GNG12: variants seen among roughly 807,000 people sequenced by gnomAD.
GNG12 encodes the protein G protein subunit gamma 12.
For synonymous variants in GNG12, 28 were observed against 29.7 expected (o/e 0.94, Z 0.19); for missense variants, 69 against 83.8 (o/e 0.82, Z 0.69).
intron 2 of GNG12, among the ~76,000 whole-genome samples, chr1:67,713,633 T>C (rs994032777): frequency 6.6e-6 from 1 of 151,920 alleles, no homozygotes; most frequent in African/African-American, 2.4e-5. Context: ...AACACACCCA[T>C]GTGGCTGTAA....
intron 1 of GNG12, among the ~76,000 whole-genome samples, chr1:67,781,671 C>T (rs1370155164): frequency 1.3e-5 from 2 of 151,924 alleles, no homozygotes; most frequent in East Asian, 3.9e-4. Flanking sequence ...AGTATGAGGC[C>T]ATTTGATTGT....
chr1:67,797,276 T>C (rs976323687), intron 1 of GNG12, among the ~76,000 whole-genome samples: 1 of 152,104 alleles, frequency 6.6e-6, no homozygotes, highest in Non-Finnish European at 1.5e-5. Context: ...TCAGAATAAG[T>C]TCCAAAATTA....
intron 2 of GNG12, among the ~76,000 whole-genome samples, chr1:67,709,143 G>A (rs148893613): frequency 6.6e-6 from 1 of 152,206 alleles, no homozygotes; most frequent in Non-Finnish European, 1.5e-5. Context: ...TTTGAAATCA[G>A]CCTAATAAGC....
chr1:67,812,854 C>T (rs1646933422), intron 1 of GNG12, among the ~76,000 whole-genome samples: 1 of 152,210 alleles, frequency 6.6e-6, no homozygotes, highest in Non-Finnish European at 1.5e-5. Flanking sequence ...TGAACCTGTC[C>T]TTCATTGCAG....
At chr1:67,705,855 G>A (rs1274744562) in intron 3 of GNG12, among the ~76,000 whole-genome samples, 7 of 152,244 alleles carry the variant, frequency 4.6e-5, no homozygotes, top group South Asian at 2.1e-4. Context: ...AGGACACACC[G>A]CCAGCTAATG....
At chr1:67,808,831 C>A (rs932398072) in intron 1 of GNG12, among the ~76,000 whole-genome samples, 1 of 152,116 alleles carries the variant, frequency 6.6e-6, no homozygotes, top group African/African-American at 2.4e-5. Flanking sequence ...TGTTCACAGA[C>A]AGGAAAACAC....
chr1:67,824,608 T>A (rs1309241248), intron 1 of GNG12, among the ~76,000 whole-genome samples: 2 of 152,144 alleles, frequency 1.3e-5, no homozygotes, highest in African/African-American at 4.8e-5. Flanking sequence ...TATATGGTTA[T>A]AATGTTTCTT....
chr1:67,830,063 T>C (rs950896869), intron 1 of GNG12, among the ~76,000 whole-genome samples: 1 of 144,070 alleles, frequency 6.9e-6, no homozygotes, highest in Non-Finnish European at 1.5e-5. Context: ...TGGAGTGCAA[T>C]GGCACGATCT....
intron 1 of GNG12, among the ~76,000 whole-genome samples, chr1:67,781,913 TAAG>T (rs1451455094): frequency 2.0e-5 from 3 of 152,138 alleles, no homozygotes; most frequent in Non-Finnish European, 4.4e-5. Flanking sequence ...AAGAAAGCAT[TAAG>T]AAGTCTAGAA....
intron 1 of GNG12, among the ~76,000 whole-genome samples, chr1:67,825,100 A>G (rs996212611): frequency 1.3e-5 from 2 of 152,258 alleles, no homozygotes; most frequent in African/African-American, 4.8e-5. Context: ...TGAATTTGAC[A>G]GAGATATTCC....
chr1:67,763,090 G>GGAGAGAGAGAGAGAGAGACAGAGA (rs1646615237), intron 2 of GNG12, among the ~76,000 whole-genome samples: 1 of 116,724 alleles, frequency 8.6e-6, no homozygotes, highest in African/African-American at 3.2e-5. Context: ...TACCCTCCCA[G>GGAGAGAGAGAGAGAGAGACAGAGA]GAGAGAGAGA....
intron 2 of GNG12, among the ~76,000 whole-genome samples, chr1:67,767,769 AAAGTT>A (rs1306998996): frequency 6.6e-6 from 1 of 152,252 alleles, no homozygotes; most frequent in African/African-American, 2.4e-5. Context: ...AAAAAAATAG[AAAGTT>A]AAGTTTAGTT....
At chr1:67,732,194 T>C (rs374592255) in intron 2 of GNG12, among the ~76,000 whole-genome samples, 1 of 152,240 alleles carries the variant, frequency 6.6e-6, no homozygotes. Context: ...AAGGAGAATG[T>C]TTAAAGTTAC....
chr1:67,764,361 A>G (rs1473474849), intron 2 of GNG12, among the ~76,000 whole-genome samples: 1 of 152,124 alleles, frequency 6.6e-6, no homozygotes, highest in East Asian at 1.9e-4. Flanking sequence ...TCTCCAAAAC[A>G]TTGCTCTTAC....
At chr1:67,779,309 G>T (rs1433783677) in intron 1 of GNG12, among the ~76,000 whole-genome samples, 1 of 152,108 alleles carries the variant, frequency 6.6e-6, no homozygotes, top group Non-Finnish European at 1.5e-5. Context: ...TCACAGAGAC[G>T]GAGGCTGGTC....
intron 1 of GNG12, among the ~76,000 whole-genome samples, chr1:67,794,883 A>C (rs2100788312): frequency 6.6e-6 from 1 of 152,254 alleles, no homozygotes; most frequent in African/African-American, 2.4e-5. Context: ...CCATCCAACC[A>C]TCCACCCACC....
At chr1:67,774,273 T>C (rs1273767242) in intron 2 of GNG12, among the ~76,000 whole-genome samples, 3 of 152,212 alleles carry the variant, frequency 2.0e-5, no homozygotes, top group Non-Finnish European at 2.9e-5. Flanking sequence ...CTCTCTCCCA[T>C]GAACTGGGGA....
At chr1:67,810,892 G>C (rs1380577693) in intron 1 of GNG12, among the ~76,000 whole-genome samples, 1 of 152,146 alleles carries the variant, frequency 6.6e-6, no homozygotes, top group Admixed American at 6.5e-5. Context: ...AAGGTTTTTA[G>C]CACCAAATGA....
intron 2 of GNG12, among the ~76,000 whole-genome samples, chr1:67,771,077 G>A (rs1053298274): frequency 2.6e-5 from 4 of 152,168 alleles, no homozygotes; most frequent in African/African-American, 9.7e-5. Flanking sequence ...TACCAGAAAA[G>A]TAACCAGAAA....
Sources: allele counts gnomAD v4.1 joint callset (sites outside exome capture counted in the v4.1 genomes callset), GRCh38; gene constraint gnomAD v4.1.1; transcripts MANE v1.5; gene names NCBI Gene and HGNC (gene_info 2026-07-23, HGNC 2026-07-21).